Variants in TRIM34 observed in about 807,000 individuals in gnomAD.
TRIM34 encodes the protein E3 ubiquitin-protein ligase TRIM34.
TRIM34 carries 41 observed loss-of-function variants against 38.1 expected under a neutral mutation model. The observed-to-expected ratio is 1.08, with a 90% confidence interval of 0.84 to 1.40. TRIM34 has a LOEUF of 1.40. Among genes scored for constraint, TRIM34 ranks in the 40% most tolerant of loss-of-function variants. TRIM34 has a pLI of 0.00. For synonymous variants in TRIM34, 200 were observed against 202.5 expected (o/e 0.99, Z 0.10); for missense variants, 556 against 571.4 (o/e 0.97, Z 0.27).
rs201731999 is a variant in TRIM34 at position 5,641,197 on chromosome 11, T to C, written c.773+8T>C. Reference sequence around the variant, plus strand: ...GAGTGGAATCATGAAATGGTGCGTATGGGTGGCCAGGAGTGGTGCTTGTGA... The same window carrying C: ...GAGTGGAATCATGAAATGGTGCGTACGGGTGGCCAGGAGTGGTGCTTGTGA... On this transcript the variant is annotated splice_region_variant and intron_variant, in intron 5 of 7. Coordinates refer to ENST00000429814, the MANE Select transcript of TRIM34 (RefSeq NM_021616.6). 176 of 1,614,036 alleles carry C rather than the reference T, an allele frequency of 1.1e-4. 1 individual carries two copies. Among genetic ancestry groups the C allele is most frequent in the Non-Finnish European group, 1.4e-4 (161 of 1,179,970 alleles).
chr11:5,627,561 T>C (rs1352513761), intron 1 of TRIM34, among the ~76,000 whole-genome samples: 1 of 152,334 alleles, frequency 6.6e-6, no homozygotes, highest in South Asian at 2.1e-4. Context: ...GATTGCTTAA[T>C]GAAAATGATT....
intron 1 of TRIM34, among the ~76,000 whole-genome samples, chr11:5,625,601 C>A (rs1032961797): frequency 1.6e-4 from 25 of 152,248 alleles, no homozygotes; most frequent in African/African-American, 5.8e-4. Context: ...CACTAAGGGG[C>A]TTTCTGTGGC....
At chr11:5,621,056 A>T (rs1848975772), upstream of TRIM34, among the ~76,000 whole-genome samples, 1 of 152,182 alleles carries the variant, frequency 6.6e-6, no homozygotes, top group African/African-American at 2.4e-5. Context: ...CAGTTTCTCT[A>T]TGTGTAGACA....
chr11:5,629,567 C>G (rs1849388682), intron 1 of TRIM34, among the ~76,000 whole-genome samples: 1 of 152,302 alleles, frequency 6.6e-6, no homozygotes, highest in East Asian at 1.9e-4. Flanking sequence ...GTGGTACACC[C>G]TCTGGCTGAC....
At position 5,643,513 on chromosome 11, in the gene TRIM34, T is replaced by C. The variant is rs1850116247; in HGVS notation, c.1271T>C (p.Leu424Pro). The C allele has an allele frequency of 1.2e-6, 2 of 1,614,108 alleles. No homozygotes were observed. The highest frequency in any genetic ancestry group is 1.6e-4 in the Middle Eastern group (1 of 6,084). Residue 424 changes from leucine (L) to proline (P), a missense_variant, in exon 8 of 8, where the codon CTC becomes CCC. By Grantham distance (98) the Leu-to-Pro change is moderately conservative. Transcript: ENST00000429814. ...TCCTCTGATCCCGAGGTTTTGACTC[T>C]CTCCATGGCTGTGCCTCCCTGCCGT... ...SLSSDPEVLT[L>P]SMAVPPCRVG...
intron 4 of TRIM34, among the ~76,000 whole-genome samples, chr11:5,637,751 G>A (rs1484316516): frequency 6.6e-6 from 1 of 152,040 alleles, no homozygotes; most frequent in African/African-American, 2.4e-5. Context: ...ATTCCCTTTG[G>A]TCACCACTGC....
Position 5,632,480 on chromosome 11 carries a change from T to C in TRIM34, c.149T>C (p.Met50Thr). ...TVSNKEAVTS[M>T]GGKSSCPVCG... is the part of the protein sequence containing the mutation. ...AGCAACAAGGAGGCAGTGACCAGCA[T>C]GGGAGGAAAAAGCAGCTGTCCTGTG... Residue 50 changes from methionine (M) to threonine (T), a missense_variant, in exon 2 of 8, where the codon ATG (methionine) becomes ACG (threonine). Coordinates refer to ENST00000429814, the MANE Select transcript of TRIM34 (RefSeq NM_021616.6). 1 of 1,613,934 alleles carries C rather than the reference T, an allele frequency of 6.2e-7. No individual in the cohort carries two copies. The highest frequency in any genetic ancestry group is 8.5e-7 in the Non-Finnish European group (1 of 1,179,986).
intron 1 of TRIM34, among the ~76,000 whole-genome samples, chr11:5,629,968 A>C (rs1315667352): frequency 6.6e-6 from 1 of 152,082 alleles, no homozygotes; most frequent in Non-Finnish European, 1.5e-5. Flanking sequence ...GGCCTCCCAA[A>C]GTGCTGAGAT....
chr11:5,642,989 C>G, intron 7 of TRIM34, 146 bp downstream of exon 7: 1 of 1,362,368 alleles, frequency 7.3e-7, no homozygotes, highest in Non-Finnish European at 9.8e-7. Context: ...TGTTTTACCC[C>G]TCCAATTCAT....
At position 5,643,524 on chromosome 11, in the gene TRIM34, G is replaced by A. The variant is rs953910519; in HGVS notation, c.1282G>A (p.Val428Met). The A allele has an allele frequency of 1.2e-6, 2 of 1,614,036 alleles. No individual in the cohort carries two copies. Among genetic ancestry groups the A allele is most frequent in the Admixed American group, 1.7e-5 (1 of 59,996 alleles). Residue 428 changes from valine to methionine, a missense_variant, in exon 8 of 8, where the codon GTG becomes ATG. Val to Met is a conservative substitution (Grantham distance 21). Transcript: ENST00000429814. Reference sequence around the variant, plus strand: ...CGAGGTTTTGACTCTCTCCATGGCTGTGCCTCCCTGCCGTGTTGGGGTTTT... The same window carrying A: ...CGAGGTTTTGACTCTCTCCATGGCTATGCCTCCCTGCCGTGTTGGGGTTTT... The part of the protein sequence containing the change: ...DPEVLTLSMA[V>M]PPCRVGVFLD...
chr11:5,643,363 T>G lies in TRIM34; in HGVS notation c.1121T>G (p.Met374Arg), dbSNP rs749192409. The G allele has an allele frequency of 6.2e-7, 1 of 1,613,982 alleles. No homozygotes were observed. Among genetic ancestry groups the G allele is most frequent in the African/African-American group, 1.3e-5 (1 of 74,920 alleles). ...TACTGTAGAACATATTCCCGCCATATGAAGTATGTTGTTAGAAGATGTGCA... is the reference window on the plus strand; with the variant it reads ...TACTGTAGAACATATTCCCGCCATAGGAAGTATGTTGTTAGAAGATGTGCA... ...GVYCRTYSRH[M>R]KYVVRRCANR... The change falls in exon 8 of 8, where the codon ATG (methionine) becomes AGG (arginine). Residue 374 changes from methionine (M) to arginine (R), a missense_variant. Physicochemically the swap from Met to Arg is moderately conservative, Grantham distance 91. Coordinates refer to ENST00000429814, the MANE Select transcript of TRIM34 (RefSeq NM_021616.6).
chr11:5,641,473 T>A (rs1850010028), intron 5 of TRIM34, among the ~76,000 whole-genome samples: 1 of 152,210 alleles, frequency 6.6e-6, no homozygotes. Flanking sequence ...ACTTCACTCA[T>A]TTAATTCATC....
At chr11:5,630,360 C>T (rs1849435403) in intron 1 of TRIM34, among the ~76,000 whole-genome samples, 1 of 152,192 alleles carries the variant, frequency 6.6e-6, no homozygotes, top group African/African-American at 2.4e-5. Context: ...TTCCCACCCT[C>T]ATCTGCTTCT....
Position 5,634,715 on chromosome 11 carries a change from C to A in TRIM34, c.604C>A (p.Leu202Met). The change falls in exon 4 of 8, where the codon CTG (leucine) becomes ATG (methionine). Residue 202 changes from leucine (L) to methionine (M), a missense_variant. By Grantham distance (15) the Leu-to-Met change is conservative (BLOSUM62 2). Transcript: ENST00000429814. ...CCTAAATAATGAGGAGCAGAGAGAG[C>A]TGCAAAGATTGGAAGAAGAAGAAAA... ...SILNNEEQRELQRLEEEEKKT... is the reference protein window; with the variant it reads ...SILNNEEQREMQRLEEEEKKT... 1 of 1,614,038 alleles carries A rather than the reference C, an allele frequency of 6.2e-7. No individual in the cohort carries two copies. The highest frequency in any genetic ancestry group is 1.3e-5 in the African/African-American group (1 of 74,996).
chr11:5,633,959 G>A (rs1849603287), intron 3 of TRIM34, 60 bp downstream of exon 3: 2 of 1,581,358 alleles, frequency 1.3e-6, no homozygotes, highest in Non-Finnish European at 1.7e-6. Flanking sequence ...TTAATCCAAG[G>A]AGGCCTCGTC....
At chr11:5,638,037 C>T (rs1270928749) in intron 4 of TRIM34, among the ~76,000 whole-genome samples, 2 of 152,158 alleles carry the variant, frequency 1.3e-5, no homozygotes, top group African/African-American at 4.8e-5. Flanking sequence ...AAAATCAGCA[C>T]TATCAAGAAT....
At chr11:5,621,508 C>T (rs1323375268), upstream of TRIM34, among the ~76,000 whole-genome samples, 1 of 152,228 alleles carries the variant, frequency 6.6e-6, no homozygotes. Context: ...CAGGTCATTT[C>T]TGCTATCCAG....
chr11:5,634,520 CACACACACACAT>C (rs1367390930), intron 3 of TRIM34, 99 bp from the exon 4 acceptor site: 26 of 636,180 alleles, frequency 4.1e-5, no homozygotes, highest in South Asian at 6.9e-5. Context: ...CACACACACA[CACACACACACAT>C]ATATATATAT....
At chr11:5,641,417 C>A in intron 5 of TRIM34, 2 of 1,144,088 alleles carry the variant, frequency 1.7e-6, no homozygotes, top group Non-Finnish European at 2.3e-6. Context: ...GAGCTACAGC[C>A]AAAAAGGATA....
Sources: allele counts gnomAD v4.1 joint callset (sites outside exome capture counted in the v4.1 genomes callset), GRCh38; gene constraint gnomAD v4.1.1; transcripts MANE v1.5; gene names NCBI Gene and HGNC (gene_info 2026-07-23, HGNC 2026-07-21).